The following C11orf58 variants were observed in gnomAD, a reference collection of about 807,000 sequenced individuals.
The protein encoded by C11orf58 is small acidic protein.
C11orf58 carries 5 observed loss-of-function variants against 22.7 expected under a neutral mutation model. The ratio of observed to expected loss-of-function variants is 0.22; its 90% CI spans 0.12 to 0.46. C11orf58 has a LOEUF of 0.46. Ranked by LOEUF, C11orf58 falls within the 20% of genes least tolerant of loss-of-function variation. The pLI is 0.99. For synonymous variants in C11orf58, 71 were observed against 70.7 expected (o/e 1.00, Z -0.02); for missense variants, 151 against 223.3 (o/e 0.68, Z 2.06).
chr11:16,739,780 CT>C (rs1848430600), intron 1 of C11orf58, among the ~76,000 whole-genome samples: 1 of 151,996 alleles, frequency 6.6e-6, no homozygotes. Context: ...GAAGGGATAT[CT>C]AGGTTTTTTT....
In C11orf58 at chr11:16,758,313, C is replaced by G. The variant is rs908275673; in HGVS notation, c.*3209C>G. Among the ~76,000 whole-genome samples the G allele has an allele frequency of 3.0e-4, 45 of 152,292 alleles. No homozygotes were observed. Among genetic ancestry groups the G allele is most frequent in the African/African-American group, 1.1e-3 (45 of 41,550 alleles). On this transcript the variant is annotated 3_prime_UTR_variant, in exon 5 of 5. Transcript: ENST00000228136. ...AGAAAGATCACCAAATGTATAAATC[C>G]GTATTAGTAAAAATTGGTTTTAACT... is the stretch of plus-strand genomic sequence containing the variant.
chr11:16,745,821 C>G (rs1258794321), intron 2 of C11orf58, among the ~76,000 whole-genome samples: 1 of 152,242 alleles, frequency 6.6e-6, no homozygotes, highest in Non-Finnish European at 1.5e-5. Flanking sequence ...ATTGTCCTAA[C>G]AGACTTCCTA....
intron 3 of C11orf58, chr11:16,748,543 C>T (rs567101999): frequency 6.9e-6 from 1 of 145,074 alleles, no homozygotes; most frequent in East Asian, 2.1e-4. Flanking sequence ...AATCACCAGC[C>T]TGGTCAACAT....
chr11:16,754,488 G>T (rs1187475130), intron 4 of C11orf58, among the ~76,000 whole-genome samples: 1 of 133,966 alleles, frequency 7.5e-6, no homozygotes, highest in Non-Finnish European at 1.5e-5. Context: ...GCACCACCAT[G>T]CCTGGCTAAT....
chr11:16,750,751 G>C (rs1848526471), intron 3 of C11orf58: 1 of 153,888 alleles, frequency 6.5e-6, no homozygotes, highest in African/African-American at 2.4e-5. Context: ...CACCACAGCT[G>C]CAGAACTATT....
At position 16,757,066 on chromosome 11, in the gene C11orf58, A is replaced by AAC. The variant is rs1848585448; in HGVS notation, c.*1963_*1964insCA. The stretch of plus-strand genomic sequence containing the variant: ...ATTTTTTTAATTTCTCACATTTTTG[A>AAC]AAAATAGATGCTATCCTCTATAGTA... On this transcript the variant is annotated 3_prime_UTR_variant, in exon 5 of 5. Transcript: ENST00000228136. 6.6e-6 allele frequency among the ~76,000 whole-genome samples: 1 copy of AAC among 151,996 alleles called. No homozygotes were observed. Among genetic ancestry groups the AAC allele is most frequent in the Non-Finnish European group, 1.5e-5 (1 of 67,998 alleles).
Position 16,738,648 on chromosome 11 carries a change from G to A in C11orf58, c.-131G>A. The stretch of plus-strand genomic sequence containing the variant: ...GGCCGCAACGGTGACGACTGTGGCA[G>A]AGAAGGCCCGGAGGGGCTCTGCGTT... On this transcript the variant is annotated 5_prime_UTR_variant, in exon 1 of 5. Coordinates refer to ENST00000228136, the MANE Select transcript of C11orf58 (RefSeq NM_014267.6). 2 of 1,031,150 alleles carry A rather than the reference G, an allele frequency of 1.9e-6. No individual in the cohort carries two copies. Among genetic ancestry groups the A allele is most frequent in the Non-Finnish European group, 3.0e-6 (2 of 667,288 alleles). 63.9% of individuals were successfully genotyped at this position (1,031,150 alleles called of 1,614,324 possible).
chr11:16,749,555 C>A (rs975388728), intron 3 of C11orf58: 25 of 152,220 alleles, frequency 1.6e-4, no homozygotes, highest in African/African-American at 6.0e-4. Context: ...GCCAGAGAAG[C>A]TTTATCAGTA....
At chr11:16,745,393 G>T (rs1274550385) in intron 2 of C11orf58, among the ~76,000 whole-genome samples, 1 of 152,134 alleles carries the variant, frequency 6.6e-6, no homozygotes, top group East Asian at 1.9e-4. Context: ...GCCTACTGTT[G>T]ACTGGAAGTC....
At position 16,752,838 on chromosome 11, in the gene C11orf58, A is replaced by G. The variant is rs747846682; in HGVS notation, c.262A>G (p.Met88Val). The G allele has an allele frequency of 1.2e-6, 2 of 1,613,522 alleles. No homozygotes were observed. The highest frequency in any genetic ancestry group is 1.7e-5 in the Admixed American group (1 of 59,912). The part of the protein sequence containing the change: ...EELESQYQQS[M>V]DSKLSGRYRR... ...ACTGGAGTCTCAATATCAGCAAAGT[A>G]TGGACAGTAAATTATCAGGAAGATA... Residue 88 changes from methionine (M) to valine (V), a missense_variant, in exon 4 of 5, where the codon ATG (methionine) becomes GTG (valine). Physicochemically the swap from Met to Val is conservative, Grantham distance 21. Around this residue, in one of 3 missense-constraint regions of C11orf58, gnomAD observed 112 missense variants for 162.6 expected, o/e 0.69. Coordinates refer to ENST00000228136, the MANE Select transcript of C11orf58 (RefSeq NM_014267.6).
intron 1 of C11orf58, among the ~76,000 whole-genome samples, chr11:16,742,956 A>G (rs890040908): frequency 2.0e-5 from 3 of 152,102 alleles, no homozygotes; most frequent in Non-Finnish European, 2.9e-5. Context: ...AGCCTTCCAT[A>G]TACTTGGGAT....
chr11:16,755,877 A>G lies in C11orf58; in HGVS notation c.*773A>G, dbSNP rs1848573142. On this transcript the variant is annotated 3_prime_UTR_variant, in exon 5 of 5. Transcript: ENST00000228136. ...AATTTTGTCCCAAAGGTCTAAATAA[A>G]GAGCAGTTTCCCATATTTGGCTGTG... The G allele has an allele frequency of 6.6e-6, 1 of 152,644 alleles. No homozygotes were observed. Among genetic ancestry groups the G allele is most frequent in the Non-Finnish European group, 1.5e-5 (1 of 68,040 alleles). 9.5% of individuals were successfully genotyped at this position (152,644 alleles called of 1,614,324 possible). A position where few individuals can be genotyped will look rare whatever the true frequency, so the allele number is the denominator to read the frequency against.
intron 2 of C11orf58, chr11:16,746,677 A>G (rs1401099749): frequency 6.6e-6 from 1 of 152,074 alleles, no homozygotes; most frequent in Non-Finnish European, 1.5e-5. Flanking sequence ...TAGGTTGTTC[A>G]GCATAGATTA....
At chr11:16,743,704 GACAATAC>G (rs1170962088) in intron 1 of C11orf58, among the ~76,000 whole-genome samples, 3 of 152,030 alleles carry the variant, frequency 2.0e-5, no homozygotes, top group African/African-American at 7.2e-5. Flanking sequence ...AAATACTTTG[GACAATAC>G]AATGAGAAAA....
intron 1 of C11orf58, among the ~76,000 whole-genome samples, chr11:16,740,257 A>G (rs1049168157): frequency 8.5e-5 from 13 of 152,250 alleles, no homozygotes; most frequent in African/African-American, 2.4e-5. Flanking sequence ...TTAGCGTGAC[A>G]GAAAACTCCA....
At position 16,752,876 on chromosome 11, in the gene C11orf58, T is replaced by C. The variant is rs1441029902; in HGVS notation, c.300T>C (p.Cys100=). 1 of 1,610,074 alleles carries C rather than the reference T, an allele frequency of 6.2e-7. No homozygotes were observed. The highest frequency in any genetic ancestry group is 8.5e-7 in the Non-Finnish European group (1 of 1,178,280). The change falls in exon 4 of 5, where the codon TGT becomes TGC. Residue 100 remains cysteine (C), a synonymous_variant. Coordinates refer to ENST00000228136, the MANE Select transcript of C11orf58 (RefSeq NM_014267.6). ...SKLSGRYRRH[C]GLGFSEVEDH... is the part of the protein sequence containing the mutation. ...TATCAGGAAGATATCGGCGACATTG[T>C]GGACTTGGCTTCAGTGAGGTAGTAA...
chr11:16,749,483 C>T (rs1848514319), intron 3 of C11orf58: 1 of 152,230 alleles, frequency 6.6e-6, no homozygotes, highest in Non-Finnish European at 1.5e-5. Flanking sequence ...CTCCCAATCC[C>T]CGGTACCCAT....
At chr11:16,750,292 A>AT (rs1350789312) in intron 3 of C11orf58, 1 of 152,272 alleles carries the variant, frequency 6.6e-6, no homozygotes, top group Non-Finnish European at 1.5e-5. Context: ...AACACCCTGC[A>AT]TTAAAAGACA....
chr11:16,754,908 A>T lies in C11orf58; in HGVS notation c.356A>T (p.Asp119Val), dbSNP rs1240348392. 1.9e-6 allele frequency: 3 copies of T among 1,613,254 alleles called. No individual in the cohort carries two copies. The highest frequency in any genetic ancestry group is 2.5e-6 in the Non-Finnish European group (3 of 1,179,394). Residue 119 changes from aspartate (D) to valine (V), a missense_variant, in exon 5 of 5, where the codon GAT becomes GTT. By Grantham distance (152) the Asp-to-Val change is radical. Around this residue, in one of 3 missense-constraint regions of C11orf58, gnomAD observed 112 missense variants for 162.6 expected, o/e 0.69. Transcript: ENST00000228136. ...GATGGAGAAGGTGATGTGGCTGGAG[A>T]TGATGATGATGACGATGATGATTCA... ...DHDGEGDVAG[D>V]DDDDDDDSPD...
Sources: allele counts gnomAD v4.1 joint callset (sites outside exome capture counted in the v4.1 genomes callset), GRCh38; gene constraint gnomAD v4.1.1; regional missense constraint gnomAD v4.1.1; transcripts MANE v1.5; gene names NCBI Gene and HGNC (gene_info 2026-07-23, HGNC 2026-07-21).